Variants in C11orf65 observed in about 807,000 individuals in gnomAD.
The protein encoded by C11orf65 is chromosome 11 open reading frame 65, also known as protein MFI.
A neutral mutation model predicts 35.3 loss-of-function variants in C11orf65; 38 were observed. The ratio of observed to expected loss-of-function variants is 1.08; its 90% CI spans 0.83 to 1.41. The LOEUF is 1.41. C11orf65 is among the 40% of genes most tolerant of loss of function. C11orf65 has a pLI of 0.00. For missense variants in C11orf65, 370 were observed against 367.1 expected, an observed-to-expected ratio of 1.01 and a Z score of -0.06; for synonymous variants, 105 against 114.4, an observed-to-expected ratio of 0.92 and a Z score of 0.53.
In C11orf65 at chr11:108,407,140, G is replaced by A; in HGVS notation, c.184C>T (p.Leu62=). 1 of 1,605,508 alleles carries A rather than the reference G, an allele frequency of 6.2e-7. No homozygotes were observed. Among genetic ancestry groups the A allele is most frequent in the South Asian group, 1.1e-5 (1 of 90,002 alleles). ...ACATGAATGCCAGCAGCAGCATCTAGAAGCTCTGCCTATAAGAAAATATAT... is the reference window on the plus strand; with the variant it reads ...ACATGAATGCCAGCAGCAGCATCTAAAAGCTCTGCCTATAAGAAAATATAT... ...KYINPKEAEL[L]DAAAGIHVRF... The change falls in exon 4 of 9, where the codon CTA becomes TTA. Residue 62 remains leucine (L), a synonymous_variant. Coordinates refer to ENST00000393084, the MANE Select transcript of C11orf65 (RefSeq NM_152587.5).
At chr11:108,327,158 T>C (rs148831302), downstream of C11orf65, among the ~76,000 whole-genome samples, 1 of 152,264 alleles carries the variant, frequency 6.6e-6, no homozygotes, top group African/African-American at 2.4e-5. Context: ...TGGGCACTCA[T>C]TGTATAGCAT....
intron 6 of C11orf65, among the ~76,000 whole-genome samples, chr11:108,398,342 G>C (rs1243452182): frequency 5.9e-5 from 9 of 152,298 alleles, no homozygotes; most frequent in South Asian, 2.1e-4. Context: ...GGCACTAAAA[G>C]AGTGATAAAT....
intron 2 of C11orf65, among the ~76,000 whole-genome samples, chr11:108,451,971 G>C (rs1015289974): frequency 5.9e-5 from 9 of 152,250 alleles, no homozygotes; most frequent in African/African-American, 1.9e-4. Flanking sequence ...AGCTGAAACT[G>C]GATCCCTTCC....
At chr11:108,379,418 T>C (rs138294028), downstream of C11orf65, among the ~76,000 whole-genome samples, 2,184 of 142,622 alleles carry the variant, frequency 0.015, 67 homozygotes, top group African/African-American at 0.052. Context: ...CAGGTGGGAA[T>C]TGAACAATGA....
intron 2 of C11orf65, among the ~76,000 whole-genome samples, chr11:108,377,018 C>G (rs201034496): frequency 6.6e-6 from 1 of 151,664 alleles, no homozygotes; most frequent in South Asian, 2.1e-4. Flanking sequence ...AGTCCAGGAC[C>G]AGATGGATTC....
intron 7 of C11orf65, among the ~76,000 whole-genome samples, chr11:108,392,134 A>G (rs2092178254): frequency 6.6e-6 from 1 of 152,012 alleles, no homozygotes; most frequent in South Asian, 2.1e-4. Context: ...TACAGCATCT[A>G]CGTCCTGGCT....
chr11:108,350,956 T>C (rs899574857), intron 2 of C11orf65, among the ~76,000 whole-genome samples: 1 of 152,192 alleles, frequency 6.6e-6, no homozygotes, highest in Non-Finnish European at 1.5e-5. Context: ...TACATATGTA[T>C]AAAAATGTTT....
chr11:108,357,006 G>C (rs982200571), intron 2 of C11orf65, among the ~76,000 whole-genome samples: 14 of 152,336 alleles, frequency 9.2e-5, no homozygotes, highest in Non-Finnish European at 2.1e-4. Context: ...CAGAAGACAG[G>C]TGATTTCTGC....
chr11:108,425,311 A>G (rs982168618), intron 3 of C11orf65, among the ~76,000 whole-genome samples: 7 of 152,174 alleles, frequency 4.6e-5, no homozygotes, highest in Admixed American at 2.6e-4. Context: ...AATGATAAAG[A>G]TGATATCACC....
intron 2 of C11orf65, among the ~76,000 whole-genome samples, chr11:108,340,655 T>A (rs1253609392): frequency 6.6e-6 from 1 of 152,198 alleles, no homozygotes; most frequent in Non-Finnish European, 1.5e-5. Flanking sequence ...GCTAGTTTTA[T>A]TAATAACTGT....
At chr11:108,338,279 T>A (rs529679551) in intron 2 of C11orf65, among the ~76,000 whole-genome samples, 2 of 152,068 alleles carry the variant, frequency 1.3e-5, no homozygotes, top group Non-Finnish European at 2.9e-5. Flanking sequence ...TAAACCCGGA[T>A]GGCAGAGGTT....
chr11:108,415,514 C>T (rs2092717074), intron 3 of C11orf65, among the ~76,000 whole-genome samples: 1 of 152,138 alleles, frequency 6.6e-6, no homozygotes, highest in African/African-American at 2.4e-5. Flanking sequence ...TCAATATTGT[C>T]AAGATGTCTG....
rs786204726 is a variant in C11orf65, at chr11:108,365,104, TTGAC to T, written c.226+28100_226+28103del. ...TAGGTCCTTCTATATGATCCACTCT[TTGAC>T]TGGACCATGAATCCTTTGAAAGCTT... is the stretch of plus-strand genomic sequence containing the variant. On this transcript the variant is annotated intron_variant, in intron 2 of 3. Transcript: ENST00000524755. 1.9e-6 allele frequency: 3 copies of T among 1,614,156 alleles called. No homozygotes were observed. Among genetic ancestry groups the T allele is most frequent in the Admixed American group, 3.3e-5 (2 of 60,026 alleles).
chr11:108,403,226 G>A (rs1241022690), intron 6 of C11orf65, among the ~76,000 whole-genome samples: 1 of 152,150 alleles, frequency 6.6e-6, no homozygotes, highest in East Asian at 1.9e-4. Flanking sequence ...CAATTGGCAT[G>A]ACAGACTATT....
rs1435031581 is a variant in C11orf65 at position 108,332,643 on chromosome 11, T to TA, written c.300-1077dup. On this transcript the variant is annotated intron_variant, in intron 3 of 3. Transcript: ENST00000524755. ...TGTTTTGTTTGTATCTGAGGAATTA[T>TA]AATCATTCCATTGTCTAGATTTGTG... The TA allele has an allele frequency of 1.7e-5, 19 of 1,104,672 alleles. No homozygotes were observed. In the East Asian group the frequency reaches 4.6e-4, roughly 27 times the overall value. 68.4% of individuals were successfully genotyped at this position (1,104,672 alleles called of 1,614,324 possible).
chr11:108,348,571 AGT>A (rs748572123), intron 2 of C11orf65, among the ~76,000 whole-genome samples: 4 of 151,970 alleles, frequency 2.6e-5, no homozygotes, highest in Admixed American at 6.5e-5. Context: ...ATAAGAAAGA[AGT>A]GTGAATGTAA....
intron 7 of C11orf65, among the ~76,000 whole-genome samples, chr11:108,386,614 G>A (rs1320173763): frequency 6.6e-6 from 1 of 152,176 alleles, no homozygotes; most frequent in African/African-American, 2.4e-5. Flanking sequence ...CTGTGAGGAT[G>A]ATGGAAAAGC....
At position 108,358,325 on chromosome 11, in the gene C11orf65, T is replaced by C. The variant is rs1243313206; in HGVS notation, c.227-23033A>G. ...AGACCAAATCTACGTCTGATTGGTG[T>C]ACCTGAAAGTGATGGGGAGAATGGA... On this transcript the variant is annotated intron_variant, in intron 2 of 3. Transcript: ENST00000524755. Among the ~76,000 whole-genome samples the C allele has an allele frequency of 2.1e-5, 3 of 142,982 alleles. No homozygotes were observed. The East Asian group carries it at 6.3e-4, about 30-fold the overall frequency. 93.8% of individuals were successfully genotyped at this position (142,982 alleles called of 152,430 possible).
chr11:108,313,538 C>T (rs1402624058), intron 6 of C11orf65, among the ~76,000 whole-genome samples: 1 of 152,198 alleles, frequency 6.6e-6, no homozygotes, highest in Non-Finnish European at 1.5e-5. Flanking sequence ...TACTTCACAT[C>T]ATCAACCATG....
Sources: allele counts gnomAD v4.1 joint callset (sites outside exome capture counted in the v4.1 genomes callset), GRCh38; gene constraint gnomAD v4.1.1; transcripts MANE v1.5; gene names NCBI Gene and HGNC (gene_info 2026-07-23, HGNC 2026-07-21).